The following TRIQK variants were observed in gnomAD, a reference collection of about 807,000 sequenced individuals.
TRIQK encodes the protein triple QxxK/R motif-containing protein.
A neutral mutation model predicts 10.8 loss-of-function variants in TRIQK; 10 were observed. That is an observed-to-expected ratio of 0.92 (90% CI 0.57 to 1.57). The LOEUF is 1.57. Among genes scored for constraint, TRIQK ranks in the 40% most tolerant of loss-of-function variants. The pLI, the probability that TRIQK is intolerant of heterozygous loss-of-function variation, is 0.00. For missense variants in TRIQK, 107 were observed against 97.7 expected (o/e 1.09, Z -0.40); for synonymous variants, 33 against 33.7 (o/e 0.98, Z 0.07).
intron 2 of TRIQK, among the ~76,000 whole-genome samples, chr8:92,924,005 G>T (rs1810316535): frequency 1.3e-5 from 2 of 151,746 alleles, no homozygotes; most frequent in Non-Finnish European, 3.0e-5. Context: ...CAAAACACAG[G>T]TTATTAAAAA....
intron 2 of TRIQK, among the ~76,000 whole-genome samples, chr8:92,930,289 C>G (rs1586444577): frequency 7.0e-6 from 1 of 142,990 alleles, no homozygotes; most frequent in East Asian, 2.2e-4. Flanking sequence ...ACTCAGGAGG[C>G]TGAGGCAGGA....
At chr8:92,914,733 G>A (rs560959993) in intron 3 of TRIQK, among the ~76,000 whole-genome samples, 9 of 152,174 alleles carry the variant, frequency 5.9e-5, no homozygotes, top group South Asian at 4.1e-4. Context: ...TTAAAAAAAC[G>A]TAATAAATGT....
intron 1 of TRIQK, among the ~76,000 whole-genome samples, chr8:93,012,756 T>C (rs1813347375): frequency 6.6e-6 from 1 of 152,192 alleles, no homozygotes; most frequent in Admixed American, 6.5e-5. Context: ...CTAAACCCTC[T>C]GAATAAAAGG....
At chr8:93,001,669 G>C (rs977185901) in intron 1 of TRIQK, among the ~76,000 whole-genome samples, 6 of 152,180 alleles carry the variant, frequency 3.9e-5, no homozygotes, top group African/African-American at 1.2e-4. Flanking sequence ...GGGAGATATA[G>C]AGTGTAATAG....
At chr8:92,947,613 C>G (rs550122406) in intron 2 of TRIQK, among the ~76,000 whole-genome samples, 3 of 135,798 alleles carry the variant, frequency 2.2e-5, no homozygotes, top group Admixed American at 1.5e-4. Context: ...AAAAAAAAAG[C>G]CTTCATTTTT....
chr8:92,926,565 G>A (rs1031910529), intron 2 of TRIQK, among the ~76,000 whole-genome samples: 1 of 151,404 alleles, frequency 6.6e-6, no homozygotes, highest in Non-Finnish European at 1.5e-5. Context: ...TAATTGGGAG[G>A]AACAACCAGA....
chr8:92,947,954 A>G (rs1811642212), intron 2 of TRIQK, among the ~76,000 whole-genome samples: 1 of 152,214 alleles, frequency 6.6e-6, no homozygotes, highest in Admixed American at 6.5e-5. Context: ...TTGAATTACA[A>G]TGATAGGATT....
At chr8:92,932,899 C>A (rs537513642) in intron 2 of TRIQK, among the ~76,000 whole-genome samples, 2 of 152,178 alleles carry the variant, frequency 1.3e-5, no homozygotes, top group South Asian at 4.1e-4. Flanking sequence ...TTTGGCATAT[C>A]ACCTTTTTTA....
chr8:92,929,787 T>C (rs1810619273), intron 2 of TRIQK, among the ~76,000 whole-genome samples: 1 of 151,922 alleles, frequency 6.6e-6, no homozygotes, highest in African/African-American at 2.4e-5. Context: ...AAAATGATTG[T>C]TATGATTCAC....
chr8:93,013,538 A>C (rs1813357069), intron 1 of TRIQK, among the ~76,000 whole-genome samples: 2 of 152,194 alleles, frequency 1.3e-5, no homozygotes, highest in African/African-American at 4.8e-5. Context: ...CTTTTAGATA[A>C]GCACATTCAG....
At chr8:93,011,763 T>C (rs892924996) in intron 1 of TRIQK, among the ~76,000 whole-genome samples, 1 of 152,150 alleles carries the variant, frequency 6.6e-6, no homozygotes, top group Admixed American at 6.5e-5. Context: ...CATAAAACTA[T>C]GAACTGGGAA....
intron 1 of TRIQK, among the ~76,000 whole-genome samples, chr8:92,996,927 C>T (rs2036808088): frequency 6.6e-6 from 1 of 151,854 alleles, no homozygotes; most frequent in Admixed American, 6.6e-5. Context: ...ATGGGAGAAT[C>T]ACCTCAGTGA....
chr8:93,013,917 T>C (rs935098022), intron 1 of TRIQK, among the ~76,000 whole-genome samples: 1 of 152,064 alleles, frequency 6.6e-6, no homozygotes, highest in Non-Finnish European at 1.5e-5. Context: ...CAGAAATGAG[T>C]AAAGAACATG....
chr8:92,993,663 G>T (rs772153792), intron 1 of TRIQK, among the ~76,000 whole-genome samples: 3 of 152,294 alleles, frequency 2.0e-5, no homozygotes, highest in Non-Finnish European at 4.4e-5. Flanking sequence ...GGTGGGCAAA[G>T]CTTCCCTAAA....
chr8:92,971,498 A>T (rs2130737574), intron 1 of TRIQK, among the ~76,000 whole-genome samples: 1 of 152,232 alleles, frequency 6.6e-6, no homozygotes, highest in East Asian at 1.9e-4. Flanking sequence ...TTATACACCA[A>T]CAATAGACAA....
chr8:92,998,374 T>C (rs186328717), intron 1 of TRIQK, among the ~76,000 whole-genome samples: 4 of 152,156 alleles, frequency 2.6e-5, no homozygotes, highest in Non-Finnish European at 4.4e-5. Context: ...TTATATTTCG[T>C]TTAAGAAAGA....
At chr8:92,894,415 A>G (rs561926891) in intron 3 of TRIQK, among the ~76,000 whole-genome samples, 1 of 152,100 alleles carries the variant, frequency 6.6e-6, no homozygotes, top group Admixed American at 6.6e-5. Context: ...TATAAAATAT[A>G]GAAGTCCCTG....
intron 2 of TRIQK, among the ~76,000 whole-genome samples, chr8:92,935,641 G>T (rs1240694951): frequency 6.6e-6 from 1 of 150,648 alleles, no homozygotes; most frequent in Non-Finnish European, 1.5e-5. Context: ...GAGTCAAAAG[G>T]GATGATCAAC....
chr8:92,944,463 CTG>C (rs1413144753), intron 2 of TRIQK, among the ~76,000 whole-genome samples: 20 of 152,134 alleles, frequency 1.3e-4, no homozygotes, highest in African/African-American at 4.8e-4. Context: ...CAACCTAAGT[CTG>C]TATAAACGAA....
Sources: gnomAD v4.1 joint callset for allele counts (sites outside exome capture counted in the v4.1 genomes callset) on GRCh38, gnomAD v4.1.1 for gene constraint, MANE v1.5 for transcripts, NCBI Gene and HGNC (gene_info 2026-07-23, HGNC 2026-07-21) for gene names.